Variants in SLC30A4 observed in about 807,000 individuals in gnomAD.
SLC30A4 encodes probable proton-coupled zinc antiporter SLC30A4.
SLC30A4 carries 20 observed loss-of-function variants against 41.7 expected under a neutral mutation model. The observed-to-expected ratio is 0.48, with a 90% CI of 0.34 to 0.70. The LOEUF is 0.70. SLC30A4 is among the 30% of genes least tolerant of loss of function. The pLI, the probability that SLC30A4 is intolerant of heterozygous loss-of-function variation, is 0.01. For missense variants in SLC30A4, 441 were observed against 529.3 expected (o/e 0.83, Z 1.64); for synonymous variants, 181 against 195.9 (o/e 0.92, Z 0.64).
intron 3 of SLC30A4, among the ~76,000 whole-genome samples, chr15:45,493,101 G>T (rs371542620): frequency 6.6e-6 from 1 of 152,006 alleles, no homozygotes; most frequent in Admixed American, 6.6e-5. Flanking sequence ...GCAAAAGCCC[G>T]TCTCTACTAA....
chr15:45,507,967 A>G (rs1892196190), intron 3 of SLC30A4, among the ~76,000 whole-genome samples: 3 of 152,268 alleles, frequency 2.0e-5, no homozygotes, highest in South Asian at 4.1e-4. Context: ...AAATGCTGGA[A>G]GGATAAGCCA....
intron 3 of SLC30A4, among the ~76,000 whole-genome samples, chr15:45,492,271 A>G (rs568115469): frequency 3.9e-5 from 6 of 152,054 alleles, no homozygotes; most frequent in Non-Finnish European, 7.4e-5. Flanking sequence ...GAGGAACTTC[A>G]TAAGTTATGA....
At chr15:45,512,315 G>A (rs1459155555) in intron 2 of SLC30A4, 1 of 152,188 alleles carries the variant, frequency 6.6e-6, no homozygotes. Context: ...TGATTCGGTA[G>A]GTCTGGGATG....
intron 3 of SLC30A4, among the ~76,000 whole-genome samples, chr15:45,499,642 G>A (rs1474809020): frequency 1.3e-5 from 2 of 152,152 alleles, no homozygotes; most frequent in Non-Finnish European, 2.9e-5. Flanking sequence ...GGAAAAGAAT[G>A]CTATTCCTCC....
intron 3 of SLC30A4, among the ~76,000 whole-genome samples, chr15:45,499,786 C>G (rs1891983796): frequency 6.6e-6 from 1 of 152,164 alleles, no homozygotes; most frequent in African/African-American, 2.4e-5. Context: ...GGCCCCTAAC[C>G]TGCTCTCCAT....
intron 6 of SLC30A4, among the ~76,000 whole-genome samples, chr15:45,487,175 T>C (rs1047256848): frequency 2.0e-5 from 3 of 152,196 alleles, no homozygotes; most frequent in Non-Finnish European, 4.4e-5. Flanking sequence ...AATTAAGGAA[T>C]TAATACATAA....
chr15:45,497,192 C>G (rs188632983), intron 3 of SLC30A4: 2 of 152,182 alleles, frequency 1.3e-5, no homozygotes, highest in Middle Eastern at 3.4e-3. Flanking sequence ...CTCAGCCTCC[C>G]GAGTAGCTGG....
In SLC30A4 at chr15:45,522,428, G is replaced by A. The variant is rs1316715069; in HGVS notation, c.-74C>T. On this transcript the variant is annotated 5_prime_UTR_variant, in exon 2 of 8. Transcript: ENST00000261867. ...GGCCGGCGGCGCCTACTTCACCGGA[G>A]CGCCAGTTCTCGAGGGCAGTGCCGC... is the stretch of plus-strand genomic sequence containing the variant. The A allele has an allele frequency of 1.4e-6, 2 of 1,440,306 alleles. No homozygotes were observed. The highest frequency in any genetic ancestry group is 2.8e-5 in the South Asian group (2 of 72,696). The allele number at this position is 1,440,306 out of a possible 1,614,324, so 89.2% of individuals were successfully genotyped here.
At position 45,490,778 on chromosome 15, in the gene SLC30A4, A is replaced by C. The variant is rs771285574; in HGVS notation, c.642T>G (p.Asn214Lys). Reference sequence around the variant, plus strand: ...CTGCGGTGATGAGCATTATATCTCCATTTATTTCATAGTTCATATGGATAG... The same window carrying C: ...CTGCGGTGATGAGCATTATATCTCCCTTTATTTCATAGTTCATATGGATAG... ...QRTIHMNYEI[N>K]GDIMLITAAV... Residue 214 changes from asparagine (N) to lysine (K), a missense_variant, in exon 4 of 8, where the codon AAT (asparagine) becomes AAG (lysine). By Grantham distance (94) the Asn-to-Lys change is moderately conservative. This residue lies in a region of SLC30A4 where 312 missense variants were observed against 341.9 expected (regional missense o/e 0.91). Coordinates refer to ENST00000261867, the MANE Select transcript of SLC30A4 (RefSeq NM_013309.6). 6.2e-7 allele frequency: 1 copy of C among 1,611,430 alleles called. No individual in the cohort carries two copies.
rs1368367293 is a variant in SLC30A4, at chr15:45,484,043, A to C, written c.*1120T>G. ...GGAGTCCATGGAGAATCCCTAACCC[A>C]TATCATAAAACATAAAATATATAAT... On this transcript the variant is annotated 3_prime_UTR_variant, in exon 8 of 8. Transcript: ENST00000261867. 6.6e-6 allele frequency: 1 copy of C among 152,616 alleles called. No homozygotes were observed. Among genetic ancestry groups the C allele is most frequent in the African/African-American group, 2.4e-5 (1 of 41,472 alleles). The allele number at this position is 152,616 out of a possible 1,614,324, so 9.5% of individuals were successfully genotyped here.
intron 3 of SLC30A4, among the ~76,000 whole-genome samples, chr15:45,503,677 C>G (rs971968590): frequency 1.3e-5 from 2 of 151,608 alleles, no homozygotes; most frequent in South Asian, 4.2e-4. Context: ...TGGTGGCTCA[C>G]GCCTGTAATC....
chr15:45,491,980 CT>C (rs1891818751), intron 3 of SLC30A4, among the ~76,000 whole-genome samples: 1 of 151,902 alleles, frequency 6.6e-6, no homozygotes, highest in South Asian at 2.1e-4. Flanking sequence ...AATTGGCAAA[CT>C]TTTTTTAAAA....
chr15:45,499,579 G>C (rs1315972683), intron 3 of SLC30A4, among the ~76,000 whole-genome samples: 1 of 152,160 alleles, frequency 6.6e-6, no homozygotes, highest in Non-Finnish European at 1.5e-5. Flanking sequence ...GAGGCAGAAA[G>C]CAAGCAAGCG....
Position 45,481,912 on chromosome 15 carries a change from T to C in SLC30A4, c.*3251A>G, listed in dbSNP as rs903758736. On this transcript the variant is annotated 3_prime_UTR_variant, in exon 8 of 8. Transcript: ENST00000261867. ...GTACCTCACTTTAAGCAGAACACGATAGTTAAGATTTACAGAAGTTTTCAT... is the reference window on the plus strand; with the variant it reads ...GTACCTCACTTTAAGCAGAACACGACAGTTAAGATTTACAGAAGTTTTCAT... 9 of 151,942 alleles carry C rather than the reference T, an allele frequency of 5.9e-5. No individual in the cohort carries two copies. The highest frequency in any genetic ancestry group is 3.9e-4 in the Admixed American group (6 of 15,202). The allele number at this position is 151,942 out of a possible 1,614,324, so 9.4% of individuals were successfully genotyped here. A position where few individuals can be genotyped will look rare whatever the true frequency, so the allele number is the denominator to read the frequency against.
chr15:45,486,746 C>T lies in SLC30A4; in HGVS notation c.1001-1G>A. On this transcript the variant is annotated splice_acceptor_variant, in intron 6 of 7. Transcript: ENST00000261867. LOFTEE classifies it high-confidence loss of function. ...TCTACATTCAAATGGCTTGGCACAC[C>T]TATTAGGAATATATAATTTCTAAGT... The T allele has an allele frequency of 6.8e-7, 1 of 1,477,590 alleles. No homozygotes were observed. The highest frequency in any genetic ancestry group is 9.1e-7 in the Non-Finnish European group (1 of 1,100,436). 91.5% of individuals were successfully genotyped at this position (1,477,590 alleles called of 1,614,324 possible). A position where few individuals can be genotyped will look rare whatever the true frequency, so the allele number is the denominator to read the frequency against.
intron 3 of SLC30A4, among the ~76,000 whole-genome samples, chr15:45,509,469 G>C (rs1428208827): frequency 9.9e-5 from 15 of 152,056 alleles, no homozygotes; most frequent in Admixed American, 8.5e-4. Flanking sequence ...GGCTAGGCTG[G>C]TCTTGAACTC....
intron 2 of SLC30A4, chr15:45,515,930 T>C (rs1892459118): frequency 6.6e-6 from 1 of 152,000 alleles, no homozygotes; most frequent in Non-Finnish European, 1.5e-5. Flanking sequence ...TCTTTCTTTG[T>C]TTCTTTTTTT....
At chr15:45,521,143 T>G (rs1479096617) in intron 2 of SLC30A4, 1 of 371,674 alleles carries the variant, frequency 2.7e-6, no homozygotes, top group East Asian at 7.8e-5. Flanking sequence ...AAGAATCATC[T>G]CCCTGCTTTT....
In SLC30A4 at chr15:45,490,775, T is replaced by C. The variant is rs1275218918; in HGVS notation, c.645A>G (p.Gly215=). Residue 215 remains glycine (G), a synonymous_variant, in exon 4 of 8, where the codon GGA becomes GGG. Coordinates refer to ENST00000261867, the MANE Select transcript of SLC30A4 (RefSeq NM_013309.6). ...RTIHMNYEIN[G]DIMLITAAVG... ...CAGCTGCGGTGATGAGCATTATATC[T>C]CCATTTATTTCATAGTTCATATGGA... is the stretch of plus-strand genomic sequence containing the variant. The C allele has an allele frequency of 6.2e-7, 1 of 1,611,138 alleles. No individual in the cohort carries two copies. Among genetic ancestry groups the C allele is most frequent in the Admixed American group, 1.7e-5 (1 of 59,640 alleles).
Sources: allele counts gnomAD v4.1 joint callset (sites outside exome capture counted in the v4.1 genomes callset), GRCh38; gene constraint gnomAD v4.1.1; regional missense constraint gnomAD v4.1.1; transcripts MANE v1.5; gene names NCBI Gene and HGNC (gene_info 2026-07-23, HGNC 2026-07-21).